SDK1: variants seen among roughly 807,000 people sequenced by gnomAD.
SDK1 encodes the protein sidekick cell adhesion molecule 1.
A neutral mutation model predicts 245.5 loss-of-function variants in SDK1; 157 were observed. The observed-to-expected ratio is 0.64, with a 90% confidence interval of 0.56 to 0.73. The LOEUF is 0.73. Ranked by LOEUF, SDK1 falls within the 30% of genes least tolerant of loss-of-function variation. The probability of loss-of-function intolerance (pLI) is 0.00; values close to 1 mark genes in which losing one functional copy is unlikely to be tolerated. For synonymous variants in SDK1, 1,647 were observed against 1,278.5 expected, an observed-to-expected ratio of 1.29 and a Z score of -6.15; for missense variants, 3,583 against 3,002.3, an observed-to-expected ratio of 1.19 and a Z score of -4.52.
chr7:3,796,639 C>G (rs1462071631), intron 4 of SDK1, among the ~76,000 whole-genome samples: 1 of 152,214 alleles, frequency 6.6e-6, no homozygotes, highest in Non-Finnish European at 1.5e-5. Context: ...GCCAACATCT[C>G]TGGGCACTGG....
chr7:3,961,877 A>C (rs925214718), intron 8 of SDK1, among the ~76,000 whole-genome samples: 1 of 152,174 alleles, frequency 6.6e-6, no homozygotes, highest in African/African-American at 2.4e-5. Flanking sequence ...ACACATAGAA[A>C]CACATGTACA....
At chr7:4,181,464 T>C (rs604841) in intron 35 of SDK1, among the ~76,000 whole-genome samples, 67,875 of 152,110 alleles carry the variant, frequency 0.45, 16,533 homozygotes, top group African/African-American at 0.65. Flanking sequence ...GGGGAGGCAG[T>C]TGCAGAGGCT....
chr7:3,756,593 A>G (rs1038850498), intron 4 of SDK1, among the ~76,000 whole-genome samples: 4 of 150,616 alleles, frequency 2.7e-5, no homozygotes, highest in African/African-American at 9.8e-5. Context: ...TTTATATTTC[A>G]TTTCAACAAT....
At chr7:3,600,984 T>G (rs1160804238) in intron 1 of SDK1, among the ~76,000 whole-genome samples, 1 of 152,030 alleles carries the variant, frequency 6.6e-6, no homozygotes, top group Non-Finnish European at 1.5e-5. Flanking sequence ...ATAGCTCACC[T>G]AATTTTTTTC....
chr7:3,526,740 T>A (rs1385591110), intron 1 of SDK1, among the ~76,000 whole-genome samples: 1 of 152,196 alleles, frequency 6.6e-6, no homozygotes, highest in East Asian at 1.9e-4. Context: ...TTTCTTTTTC[T>A]TTTTTCACAG....
At chr7:3,420,723 A>C (rs10258501) in intron 1 of SDK1, among the ~76,000 whole-genome samples, 62,998 of 152,158 alleles carry the variant, frequency 0.41, 14,484 homozygotes, top group Admixed American at 0.51. Flanking sequence ...TCTTTATGGA[A>C]GAATTTGCGA....
At chr7:3,948,515 G>A (rs1260459938) in intron 5 of SDK1, among the ~76,000 whole-genome samples, 2 of 152,174 alleles carry the variant, frequency 1.3e-5, no homozygotes, top group African/African-American at 2.4e-5. Flanking sequence ...ACCCGTCTCG[G>A]CCTCCCAAAG....
chr7:3,396,097 G>GT (rs1425414011), intron 1 of SDK1, among the ~76,000 whole-genome samples: 1 of 151,344 alleles, frequency 6.6e-6, no homozygotes, highest in African/African-American at 2.4e-5. Flanking sequence ...AACACTATAC[G>GT]TTTTTTTCTA....
In SDK1 at chr7:3,962,672, C is replaced by T; in HGVS notation, c.1250C>T (p.Thr417Ile). 1 of 1,609,628 alleles carries T rather than the reference C, an allele frequency of 6.2e-7. No individual in the cohort carries two copies. Among genetic ancestry groups the T allele is most frequent in the South Asian group, 1.1e-5 (1 of 90,656 alleles). ...GCQAMGVPLP[T>I]LQWYKDAISI... ...TCCTACGCAGGGGTCCCCCTTCCCACCCTCCAGTGGTACAAGGATGCCATC... is the reference window on the plus strand; with the variant it reads ...TCCTACGCAGGGGTCCCCCTTCCCATCCTCCAGTGGTACAAGGATGCCATC... Residue 417 changes from threonine to isoleucine, a missense_variant, in exon 9 of 45, where the codon ACC (threonine) becomes ATC (isoleucine). By Grantham distance (89) the Thr-to-Ile change is moderately conservative. Transcript: ENST00000404826.
rs375442068 is a variant in SDK1, at chr7:4,061,573, G to T, written c.2912-6265G>T. ...TTCAACCATTGTGGAAGTCAGTGTG[G>T]CGATTCCTCAGGGATCTAGGACTAG... On this transcript the variant is annotated intron_variant, in intron 19 of 44. Transcript: ENST00000404826. Among the ~76,000 whole-genome samples the T allele has an allele frequency of 7.2e-5, 11 of 152,256 alleles. No homozygotes were observed. The East Asian group carries it at 1.9e-3, about 27-fold the overall frequency.
intron 4 of SDK1, among the ~76,000 whole-genome samples, chr7:3,651,965 A>G (rs980960831): frequency 2.0e-5 from 3 of 152,190 alleles, no homozygotes; most frequent in Non-Finnish European, 4.4e-5. Flanking sequence ...CTGAGAATTT[A>G]TATTTCCGAG....
In SDK1 at chr7:4,209,847, T is replaced by C. The variant is rs111556517; in HGVS notation, c.5402-178T>C. Among the ~76,000 whole-genome samples the C allele has an allele frequency of 1.8e-3, 269 of 152,366 alleles. 2 individuals are homozygous for C. Among genetic ancestry groups the C allele is most frequent in the African/African-American group, 6.0e-3 (249 of 41,588 alleles). ...TCTCAGGAGGGTCTGCGTGTCTGAT[T>C]GATCCTCGGAAGTTCTGAGGTGATC... On this transcript the variant is annotated intron_variant, in intron 37 of 44. Coordinates refer to ENST00000404826, the MANE Select transcript of SDK1 (RefSeq NM_152744.4).
intron 25 of SDK1, among the ~76,000 whole-genome samples, chr7:4,124,935 G>T (rs920426159): frequency 6.0e-5 from 9 of 150,354 alleles, no homozygotes; most frequent in African/African-American, 2.2e-4. Context: ...TAGATGGATG[G>T]ATAGATGGAT....
chr7:3,950,913 T>C lies in SDK1; in HGVS notation c.848-10T>C. 6.2e-7 allele frequency: 1 copy of C among 1,608,752 alleles called. No individual in the cohort carries two copies. The highest frequency in any genetic ancestry group is 1.1e-5 in the South Asian group (1 of 90,954). The stretch of plus-strand genomic sequence containing the variant: ...GAGTTTCATGGACATTTCTCTTTTC[T>C]CTGCCACAGGAGATGTTGGCACACC... On this transcript the variant is annotated splice_polypyrimidine_tract_variant and intron_variant, in intron 5 of 44. Transcript: ENST00000404826.
chr7:3,335,553 C>T (rs1489650890), intron 1 of SDK1, among the ~76,000 whole-genome samples: 1 of 151,718 alleles, frequency 6.6e-6, no homozygotes, highest in Non-Finnish European at 1.5e-5. Flanking sequence ...AAGATGGGGA[C>T]AGGGAAATTA....
chr7:3,541,262 G>T (rs912074186), intron 1 of SDK1, among the ~76,000 whole-genome samples: 2 of 152,220 alleles, frequency 1.3e-5, no homozygotes, highest in African/African-American at 4.8e-5. Context: ...AGTGCTTTGT[G>T]TGAGTTAGAA....
At chr7:3,817,475 T>G (rs528878305) in intron 4 of SDK1, among the ~76,000 whole-genome samples, 1 of 152,298 alleles carries the variant, frequency 6.6e-6, no homozygotes, top group Admixed American at 6.5e-5. Context: ...TCAGGGTGAA[T>G]GTATACTCTT....
chr7:3,995,604 A>G (rs970918219), intron 14 of SDK1, among the ~76,000 whole-genome samples: 1 of 152,186 alleles, frequency 6.6e-6, no homozygotes, highest in Non-Finnish European at 1.5e-5. Flanking sequence ...TCATTTGAAT[A>G]ATCTTTCTAC....
At chr7:4,193,884 A>G (rs1271218854) in intron 35 of SDK1, among the ~76,000 whole-genome samples, 1 of 152,220 alleles carries the variant, frequency 6.6e-6, no homozygotes, top group East Asian at 1.9e-4. Context: ...GGTTCTCCAC[A>G]CATGGTCAGA....
Sources: allele counts gnomAD v4.1 joint callset (sites outside exome capture counted in the v4.1 genomes callset), GRCh38; gene constraint gnomAD v4.1.1; transcripts MANE v1.5; gene names NCBI Gene and HGNC (gene_info 2026-07-23, HGNC 2026-07-21).